PSMG2: variants seen among roughly 807,000 people sequenced by gnomAD.
PSMG2 encodes the protein proteasome assembly chaperone 2.
Under a neutral mutation model 31.5 loss-of-function variants are expected in PSMG2, and 21 were observed. That is an observed-to-expected ratio of 0.67 (90% CI 0.47 to 0.96). The LOEUF (loss-of-function observed/expected upper bound fraction) is 0.96, where lower values mean the gene tolerates loss of function less well. Ranked by LOEUF, PSMG2 falls within the 40% of genes least tolerant of loss-of-function variation. The pLI is 0.00. For missense variants in PSMG2, 318 were observed against 321.2 expected, an observed-to-expected ratio of 0.99 and a Z score of 0.08; for synonymous variants, 120 against 110.4, an observed-to-expected ratio of 1.09 and a Z score of -0.54.
intron 3 of PSMG2, among the ~76,000 whole-genome samples, chr18:12,713,581 G>T (rs1173780712): frequency 6.6e-6 from 1 of 152,134 alleles, no homozygotes; most frequent in Non-Finnish European, 1.5e-5. Flanking sequence ...CAATTCAGGG[G>T]AATGAGTATG....
At chr18:12,714,561 T>A (rs1282066593) in intron 3 of PSMG2, among the ~76,000 whole-genome samples, 1 of 151,838 alleles carries the variant, frequency 6.6e-6, no homozygotes, top group Admixed American at 6.6e-5. Context: ...TGGCGTGATC[T>A]TGGCTCACTG....
chr18:12,678,047 A>G, intron 1 of PSMG2: 1 of 1,377,378 alleles, frequency 7.3e-7, no homozygotes, highest in Non-Finnish European at 1.0e-6. Flanking sequence ...CACACACCAA[A>G]AAACAGTTAA....
chr18:12,673,167 A>C, intron 1 of PSMG2: 1 of 1,227,480 alleles, frequency 8.1e-7, no homozygotes, highest in Non-Finnish European at 1.0e-6. Flanking sequence ...AGGGAGATTT[A>C]TACAAGTTTT....
At chr18:12,691,631 C>T in intron 1 of PSMG2, 5 of 566,342 alleles carry the variant, frequency 8.8e-6, no homozygotes, top group Non-Finnish European at 1.5e-5. Flanking sequence ...CCTGACTTCC[C>T]TATTTCTACA....
At chr18:12,695,500 T>C in intron 1 of PSMG2, 1 of 451,552 alleles carries the variant, frequency 2.2e-6, no homozygotes, top group South Asian at 4.4e-5. Flanking sequence ...AATATTCATA[T>C]TAAAATGAAC....
At position 12,720,618 on chromosome 18, in the gene PSMG2, AG is replaced by A. The variant is rs1355430704; in HGVS notation, c.517del (p.Asp173MetfsTer33). 2 of 1,614,002 alleles carry A rather than the reference AG, an allele frequency of 1.2e-6. No homozygotes were observed. The highest frequency in any genetic ancestry group is 3.3e-5 in the Admixed American group (2 of 59,962). ...MEKSRCIPEI[D>X]DSEFCIRIPG... Reference sequence around the variant, plus strand: ...AAAAAAGCCGGTGCATTCCTGAAATAGATGATTCCGAGTTTTGTATCCGCAT... The same window carrying A: ...AAAAAAGCCGGTGCATTCCTGAAATAATGATTCCGAGTTTTGTATCCGCAT... On this transcript the variant is annotated frameshift_variant, in exon 5 of 7. Coordinates refer to ENST00000317615, the MANE Select transcript of PSMG2 (RefSeq NM_020232.5). LOFTEE classifies it high-confidence loss of function.
At chr18:12,697,388 C>T (rs1346710907) in intron 1 of PSMG2, 3 of 1,609,912 alleles carry the variant, frequency 1.9e-6, no homozygotes, top group Admixed American at 3.4e-5. Flanking sequence ...GTTGTTGAAT[C>T]AGCCATTCTA....
chr18:12,718,963 C>T (rs774549591), intron 4 of PSMG2, among the ~76,000 whole-genome samples: 3 of 152,144 alleles, frequency 2.0e-5, no homozygotes, highest in Non-Finnish European at 4.4e-5. Flanking sequence ...AAAAGGTACT[C>T]AAGATTTATA....
intron 1 of PSMG2, chr18:12,692,328 A>C (rs78657078): frequency 6.6e-6 from 1 of 151,940 alleles, no homozygotes; most frequent in Admixed American, 6.6e-5. Flanking sequence ...AAAAAAAAAA[A>C]ACATACTGTC....
intron 5 of PSMG2, among the ~76,000 whole-genome samples, chr18:12,722,433 G>A (rs975540779): frequency 2.6e-5 from 4 of 152,136 alleles, no homozygotes; most frequent in African/African-American, 9.7e-5. Context: ...GAGGCAACTG[G>A]AAATACAGGG....
At chr18:12,667,826 G>A (rs1444865846) in intron 1 of PSMG2, among the ~76,000 whole-genome samples, 7 of 135,608 alleles carry the variant, frequency 5.2e-5, no homozygotes, top group Non-Finnish European at 7.9e-5. Flanking sequence ...GAAAGCAATA[G>A]ACCTGCAGGT....
upstream of PSMG2, chr18:12,702,675 G>C: frequency 9.4e-7 from 1 of 1,066,572 alleles, no homozygotes; most frequent in Non-Finnish European, 1.3e-6. Flanking sequence ...GCCTAGCGCA[G>C]CTCCCGGGGG....
intron 1 of PSMG2, chr18:12,678,537 A>G (rs929102566): frequency 6.9e-6 from 5 of 720,226 alleles, no homozygotes; most frequent in Non-Finnish European, 1.1e-5. Context: ...GGCCATAACT[A>G]CTTCTCAGAA....
At chr18:12,724,672 T>G in intron 6 of PSMG2, 53 bp downstream of exon 6, 1 of 1,496,650 alleles carries the variant, frequency 6.7e-7, no homozygotes, top group Non-Finnish European at 8.9e-7. Context: ...ATTCATTAAC[T>G]CGCACTTTAT....
intron 1 of PSMG2, among the ~76,000 whole-genome samples, chr18:12,696,631 T>C (rs1473694642): frequency 6.6e-6 from 1 of 152,118 alleles, no homozygotes; most frequent in Non-Finnish European, 1.5e-5. Flanking sequence ...CATTGGTAGG[T>C]TTTGTTTTCT....
chr18:12,668,797 G>GA (rs1289806781), intron 1 of PSMG2, among the ~76,000 whole-genome samples: 1 of 130,942 alleles, frequency 7.6e-6, no homozygotes, highest in East Asian at 2.4e-4. Flanking sequence ...GGAGTGTAGT[G>GA]GAGAGCAATC....
chr18:12,713,460 A>G (rs1466861265), intron 3 of PSMG2, among the ~76,000 whole-genome samples: 1 of 152,198 alleles, frequency 6.6e-6, no homozygotes, highest in Admixed American at 6.5e-5. Context: ...GAAAAGGTTC[A>G]GAGGGTGGAT....
chr18:12,691,523 C>G, intron 1 of PSMG2: 1 of 1,497,314 alleles, frequency 6.7e-7, no homozygotes, highest in Non-Finnish European at 9.1e-7. Context: ...AATTTCTATT[C>G]ATTATCTTTA....
Position 12,678,190 on chromosome 18 carries a change from C to CA in PSMG2, c.-37+19418dup, listed in dbSNP as rs769163684. 1.9e-6 allele frequency: 3 copies of CA among 1,614,124 alleles called. No homozygotes were observed. The Admixed American group carries it at 5.0e-5, about 27-fold the overall frequency. ...CTGACGCGTCAATTGTGGATGCACA[C>CA]AGAGGTGGAAAGGGAGGAAGGGATG... On this transcript the variant is annotated intron_variant, in intron 1 of 6. Transcript: ENST00000585331.
Sources: allele counts gnomAD v4.1 joint callset (sites outside exome capture counted in the v4.1 genomes callset), GRCh38; gene constraint gnomAD v4.1.1; transcripts MANE v1.5; gene names NCBI Gene and HGNC (gene_info 2026-07-23, HGNC 2026-07-21).